Variants in ARHGEF10L observed in about 807,000 individuals in gnomAD.
ARHGEF10L encodes rho guanine nucleotide exchange factor 10-like protein.
In ARHGEF10L, 69 loss-of-function variants were observed where a neutral mutation model predicts 141.2. That is an observed-to-expected ratio of 0.49 (90% CI 0.40 to 0.60). The LOEUF (loss-of-function observed/expected upper bound fraction) is 0.60. Among genes scored for constraint, ARHGEF10L ranks in the 20% least tolerant of loss-of-function variants. The probability of loss-of-function intolerance (pLI) is 0.00; values close to 1 mark genes in which losing one functional copy is unlikely to be tolerated. For synonymous variants in ARHGEF10L, 711 were observed against 718.5 expected (o/e 0.99, Z 0.17); for missense variants, 1,482 against 1,734.3 (o/e 0.85, Z 2.58).
At chr1:17,651,584 C>T (rs2061938834) in intron 22 of ARHGEF10L, among the ~76,000 whole-genome samples, 1 of 152,176 alleles carries the variant, frequency 6.6e-6, no homozygotes, top group Non-Finnish European at 1.5e-5. Context: ...GCCACTGCCT[C>T]CAAGGCCTCC....
At chr1:17,670,164 A>AAG (rs1368207246) in intron 26 of ARHGEF10L, among the ~76,000 whole-genome samples, 1 of 152,250 alleles carries the variant, frequency 6.6e-6, no homozygotes. Flanking sequence ...GCCTGAGCTG[A>AAG]AGACTGCCTC....
chr1:17,605,626 A>G (rs1422949823), intron 6 of ARHGEF10L, among the ~76,000 whole-genome samples: 2 of 152,298 alleles, frequency 1.3e-5, no homozygotes, highest in East Asian at 1.9e-4. Flanking sequence ...GGCCAGCCAC[A>G]TCTCTCCCAT....
At chr1:17,638,441 G>A in intron 19 of ARHGEF10L, 121 bp from the exon 20 acceptor site, 1 of 1,431,812 alleles carries the variant, frequency 7.0e-7, no homozygotes, top group East Asian at 2.3e-5. Flanking sequence ...CAGCCTCAGT[G>A]AGGCTCCAGG....
intron 19 of ARHGEF10L, among the ~76,000 whole-genome samples, 185 bp downstream of exon 19, chr1:17,638,188 C>T (rs952298338): frequency 2.0e-5 from 3 of 152,250 alleles, no homozygotes; most frequent in South Asian, 4.1e-4. Flanking sequence ...GTCTCTTTTG[C>T]GGCCGCTGGT....
chr1:17,670,312 T>C (rs1210584880), intron 26 of ARHGEF10L, among the ~76,000 whole-genome samples: 1 of 152,238 alleles, frequency 6.6e-6, no homozygotes, highest in Non-Finnish European at 1.5e-5. Context: ...GCCCACCAAC[T>C]GCTTGTTCAG....
chr1:17,586,157 G>C (rs896179788), intron 2 of ARHGEF10L, among the ~76,000 whole-genome samples: 9 of 148,484 alleles, frequency 6.1e-5, no homozygotes, highest in African/African-American at 1.8e-4. Flanking sequence ...CCAGTCCCAA[G>C]TATCAATTGT....
At position 17,623,210 on chromosome 1, in the gene ARHGEF10L, A is replaced by G. The variant is rs749352839; in HGVS notation, c.1200+35A>G. 1.2e-6 allele frequency: 2 copies of G among 1,602,018 alleles called. No individual in the cohort carries two copies. Among genetic ancestry groups the G allele is most frequent in the South Asian group, 2.2e-5 (2 of 89,800 alleles). On this transcript the variant is annotated intron_variant, in intron 12 of 28. Transcript: ENST00000361221. This position sits in a 1 kb window ranked among gnomAD's most constrained non-coding sequence, Gnocchi z 4.7. Reference sequence around the variant, plus strand: ...CCCAAACTTTTTCCCCAGCCCACCAAGGTAAAACCACAACCAGTCTGACCC... The same window carrying G: ...CCCAAACTTTTTCCCCAGCCCACCAGGGTAAAACCACAACCAGTCTGACCC...
At chr1:17,529,822 G>GTTTTT in the ARHGEF10L span, among the ~76,000 whole-genome samples, 1 of 132,606 alleles carries the variant, frequency 7.5e-6, no homozygotes, top group African/African-American at 2.8e-5. Context: ...GAACACATCA[G>GTTTTT]TCTTTTTTTT....
At chr1:17,618,854 T>C (rs538414654) in intron 9 of ARHGEF10L, among the ~76,000 whole-genome samples, 38 of 152,322 alleles carry the variant, frequency 2.5e-4, no homozygotes, top group African/African-American at 8.9e-4. Context: ...TTTTTCCCTT[T>C]AGCTCTGCAT....
intron 9 of ARHGEF10L, chr1:17,618,411 C>A: frequency 1.3e-6 from 2 of 1,538,744 alleles, no homozygotes; most frequent in Non-Finnish European, 1.8e-6. Flanking sequence ...GGGGTGGGTG[C>A]GGAGTGATGC....
In ARHGEF10L at chr1:17,639,355, A is replaced by G. The variant is rs1172075083; in HGVS notation, c.2171+666A>G. ...CAGGCCAGTGCAATGAGGGGGCTCA[A>G]TGCCCAGGTTTTGGCCTCCAGGGTG... On this transcript the variant is annotated intron_variant, in intron 20 of 28. Coordinates refer to ENST00000361221, the MANE Select transcript of ARHGEF10L (RefSeq NM_018125.4). This position sits in a 1 kb window ranked among gnomAD's most constrained non-coding sequence, Gnocchi z 4.3. 1.3e-5 allele frequency among the ~76,000 whole-genome samples: 2 copies of G among 152,184 alleles called. No individual in the cohort carries two copies. The highest frequency in any genetic ancestry group is 4.8e-5 in the African/African-American group (2 of 41,406).
intron 26 of ARHGEF10L, among the ~76,000 whole-genome samples, chr1:17,675,906 G>T (rs2063653526): frequency 6.8e-6 from 1 of 146,568 alleles, no homozygotes; most frequent in Non-Finnish European, 1.5e-5. Context: ...GTAAAGGTTT[G>T]TGTGCAAGTG....
chr1:17,594,872 G>C (rs375168412), intron 4 of ARHGEF10L, among the ~76,000 whole-genome samples: 10 of 152,232 alleles, frequency 6.6e-5, no homozygotes, highest in African/African-American at 2.2e-4. Context: ...GGAGAGATTA[G>C]GTGCTTACTC....
Position 17,655,953 on chromosome 1 carries a change from C to G in ARHGEF10L, c.2556C>G (p.Val852=). The G allele has an allele frequency of 1.9e-6, 3 of 1,561,770 alleles. No homozygotes were observed. The highest frequency in any genetic ancestry group is 2.6e-6 in the Non-Finnish European group (3 of 1,152,312). Residue 852 remains valine, a synonymous_variant, in exon 24 of 29, where the codon GTC becomes GTG. Transcript: ENST00000361221. The part of the protein sequence containing the change: ...FSLNRPSPRT[V]KSFPLAAPVL... ...TGAACCGGCCCTCGCCCCGCACCGT[C>G]AAGTCCTTCCCACTGGCAGCCCCTG...
chr1:17,605,398 G>T (rs964644081), intron 6 of ARHGEF10L, among the ~76,000 whole-genome samples: 2 of 152,172 alleles, frequency 1.3e-5, no homozygotes, highest in Non-Finnish European at 2.9e-5. Flanking sequence ...GGGTGGTAGC[G>T]TAGATTCCAT....
In ARHGEF10L at chr1:17,654,734, C is replaced by T. The variant is rs1395262059; in HGVS notation, c.2481+12C>T. ...AGGGCTACCTCTGGGTGAGTCACCC[C>T]CCTGCCCAGCTGGGCATTCTGGCCT... On this transcript the variant is annotated intron_variant, in intron 23 of 28. Transcript: ENST00000361221. This position sits in a 1 kb window ranked among gnomAD's most constrained non-coding sequence, Gnocchi z 4.3. 6 of 1,612,204 alleles carry T rather than the reference C, an allele frequency of 3.7e-6. No individual in the cohort carries two copies. In the Admixed American group the frequency reaches 1.0e-4, roughly 27 times the overall value.
At position 17,634,566 on chromosome 1, in the gene ARHGEF10L, C is replaced by G; in HGVS notation, c.1745+4C>G. The G allele has an allele frequency of 6.2e-7, 1 of 1,613,910 alleles. No homozygotes were observed. The highest frequency in any genetic ancestry group is 8.5e-7 in the Non-Finnish European group (1 of 1,179,898). On this transcript the variant is annotated splice_donor_region_variant and intron_variant, in intron 17 of 28. Transcript: ENST00000361221. The stretch of plus-strand genomic sequence containing the variant: ...TTCCCAGGCCTGCCAACCACAGGTA[C>G]GTGGTTCAGGGGGCTCCGGGGCTCT...
chr1:17,527,330 C>T, the ARHGEF10L span, among the ~76,000 whole-genome samples: 1 of 152,180 alleles, frequency 6.6e-6, no homozygotes, highest in Non-Finnish European at 1.5e-5. Flanking sequence ...TTTTAATACA[C>T]CAGAGAATAA....
chr1:17,525,187 G>A, the ARHGEF10L span, among the ~76,000 whole-genome samples: 1 of 152,214 alleles, frequency 6.6e-6, no homozygotes, highest in Admixed American at 6.5e-5. Flanking sequence ...TGGGGAGGGA[G>A]GAGAGGGAGG....
Sources: gnomAD v4.1 joint callset for allele counts (sites outside exome capture counted in the v4.1 genomes callset) on GRCh38, gnomAD v4.1.1 for gene constraint, Gnocchi (gnomAD v3.1) non-coding constraint, MANE v1.5 for transcripts, NCBI Gene and HGNC (gene_info 2026-07-23, HGNC 2026-07-21) for gene names.